The following KHDRBS2 variants were observed in gnomAD, a reference collection of about 807,000 sequenced individuals.
KHDRBS2 encodes the protein KH RNA binding domain containing, signal transduction associated 2.
Under a neutral mutation model 44.3 loss-of-function variants are expected in KHDRBS2, and 26 were observed. The observed-to-expected ratio is 0.59, with a 90% CI of 0.43 to 0.81. The LOEUF is 0.81. KHDRBS2 is among the 40% of genes least tolerant of loss of function. The pLI, the probability that KHDRBS2 is intolerant of heterozygous loss-of-function variation, is 0.00. For missense variants in KHDRBS2, 476 were observed against 433.1 expected (o/e 1.10, Z -0.88); for synonymous variants, 194 against 151.1 (o/e 1.28, Z -2.08).
intron 6 of KHDRBS2, among the ~76,000 whole-genome samples, chr6:61,767,148 A>C (rs571188328): frequency 2.0e-5 from 3 of 152,086 alleles, no homozygotes; most frequent in African/African-American, 4.8e-5. Flanking sequence ...TGTTGGGTAC[A>C]TATATATTTA....
chr6:61,866,417 T>C (rs1306676815), intron 6 of KHDRBS2, among the ~76,000 whole-genome samples: 2 of 152,178 alleles, frequency 1.3e-5, no homozygotes, highest in Non-Finnish European at 2.9e-5. Flanking sequence ...GCAGCTCGGA[T>C]GCAGGGCACC....
chr6:62,043,183 G>C (rs1357008881), intron 3 of KHDRBS2, among the ~76,000 whole-genome samples: 2 of 151,986 alleles, frequency 1.3e-5, no homozygotes, highest in Non-Finnish European at 2.9e-5. Flanking sequence ...AAATAAGCTT[G>C]TAGAACCACT....
chr6:62,099,857 T>C (rs1584693293), intron 2 of KHDRBS2, among the ~76,000 whole-genome samples: 1 of 152,210 alleles, frequency 6.6e-6, no homozygotes, highest in East Asian at 1.9e-4. Context: ...GGGATATTAA[T>C]GTTGTTGTAA....
intron 5 of KHDRBS2, among the ~76,000 whole-genome samples, chr6:61,900,296 G>C (rs1490223445): frequency 6.6e-6 from 1 of 151,996 alleles, no homozygotes; most frequent in African/African-American, 2.4e-5. Flanking sequence ...GAAAGTATTT[G>C]AGGTATAATT....
intron 6 of KHDRBS2, among the ~76,000 whole-genome samples, chr6:61,747,666 T>G (rs1246900214): frequency 6.6e-6 from 1 of 152,178 alleles, no homozygotes; most frequent in African/African-American, 2.4e-5. Flanking sequence ...GTACCGAATG[T>G]TACAAAAATT....
At chr6:62,240,321 A>T (rs1834391706) in intron 1 of KHDRBS2, among the ~76,000 whole-genome samples, 1 of 151,942 alleles carries the variant, frequency 6.6e-6, no homozygotes, top group Non-Finnish European at 1.5e-5. Context: ...TAGTACTAAA[A>T]AATGTTTAGG....
chr6:61,570,911 C>G, the KHDRBS2 span, among the ~76,000 whole-genome samples: 1 of 151,918 alleles, frequency 6.6e-6, no homozygotes, highest in Non-Finnish European at 1.5e-5. Flanking sequence ...GAACTGGTAA[C>G]AGGAGTTCTA....
chr6:61,740,489 A>G (rs1352305082), intron 6 of KHDRBS2, among the ~76,000 whole-genome samples: 1 of 151,932 alleles, frequency 6.6e-6, no homozygotes, highest in Non-Finnish European at 1.5e-5. Context: ...ACAAATTTAG[A>G]TCAACATTTT....
chr6:62,089,976 T>C lies in KHDRBS2; in HGVS notation c.220-41982A>G, dbSNP rs141772184. On this transcript the variant is annotated intron_variant, in intron 2 of 8. Transcript: ENST00000281156. ...GGAACTGCAACGTCTGCATGTTGAC[T>C]GGGGCGTCCACACAGGCGAAAATGA... Among the ~76,000 whole-genome samples, 314 of 152,122 alleles carry C rather than the reference T, an allele frequency of 2.1e-3. 3 individuals are homozygous for C. The highest frequency in any genetic ancestry group is 0.016 in the Admixed American group (247 of 15,284).
intron 6 of KHDRBS2, among the ~76,000 whole-genome samples, chr6:61,760,305 A>G (rs1312856636): frequency 6.6e-6 from 1 of 152,196 alleles, no homozygotes; most frequent in Non-Finnish European, 1.5e-5. Flanking sequence ...TAGTAAACCA[A>G]TTAGAGCTTT....
intron 6 of KHDRBS2, among the ~76,000 whole-genome samples, chr6:61,759,050 A>C (rs1778905716): frequency 6.6e-6 from 1 of 152,190 alleles, no homozygotes; most frequent in African/African-American, 2.4e-5. Flanking sequence ...AGCCATCTAA[A>C]ATATTAATGG....
chr6:62,214,056 C>T (rs992700851), intron 1 of KHDRBS2, among the ~76,000 whole-genome samples: 1 of 151,960 alleles, frequency 6.6e-6, no homozygotes, highest in Non-Finnish European at 1.5e-5. Flanking sequence ...TTATCCATGG[C>T]AAATTGAACA....
At chr6:62,143,381 C>T (rs2150099893) in intron 2 of KHDRBS2, among the ~76,000 whole-genome samples, 1 of 152,002 alleles carries the variant, frequency 6.6e-6, no homozygotes, top group East Asian at 1.9e-4. Context: ...ACTATTTTAA[C>T]ATGGATAGAA....
chr6:61,636,327 T>C, the KHDRBS2 span, among the ~76,000 whole-genome samples: 1 of 152,090 alleles, frequency 6.6e-6, no homozygotes, highest in East Asian at 1.9e-4. Flanking sequence ...CATTGAATTC[T>C]ATGACTCCTG....
At chr6:62,120,657 A>G (rs1352267659) in intron 2 of KHDRBS2, among the ~76,000 whole-genome samples, 2 of 152,192 alleles carry the variant, frequency 1.3e-5, no homozygotes, top group African/African-American at 4.8e-5. Flanking sequence ...AATGATAGGA[A>G]GCCTACTGCA....
intron 6 of KHDRBS2, among the ~76,000 whole-genome samples, chr6:61,773,374 C>T (rs1294806809): frequency 2.0e-5 from 3 of 151,666 alleles, no homozygotes; most frequent in Non-Finnish European, 3.0e-5. Flanking sequence ...TTTTGATTTG[C>T]ATTTCTCTGA....
chr6:62,161,555 C>T (rs1585007179), intron 2 of KHDRBS2, among the ~76,000 whole-genome samples: 1 of 110,346 alleles, frequency 9.1e-6, no homozygotes, highest in African/African-American at 3.9e-5. Context: ...CTTGAGCATC[C>T]GAGAATTTTG....
intron 2 of KHDRBS2, among the ~76,000 whole-genome samples, chr6:62,072,987 G>T (rs1795529318): frequency 6.6e-6 from 1 of 151,828 alleles, no homozygotes; most frequent in Admixed American, 6.6e-5. Flanking sequence ...TTTTTTGGTT[G>T]GTACGCTATT....
At chr6:62,155,614 C>T (rs891769800) in intron 2 of KHDRBS2, among the ~76,000 whole-genome samples, 6 of 152,148 alleles carry the variant, frequency 3.9e-5, no homozygotes, top group Non-Finnish European at 8.8e-5. Flanking sequence ...CCAACACTGT[C>T]CAAGACATAG....
Sources: gnomAD v4.1 joint callset for allele counts (sites outside exome capture counted in the v4.1 genomes callset) on GRCh38, gnomAD v4.1.1 for gene constraint, MANE v1.5 for transcripts, NCBI Gene and HGNC (gene_info 2026-07-23, HGNC 2026-07-21) for gene names.